Variants in TOX2 observed in about 807,000 individuals in gnomAD.
The protein encoded by TOX2 is granulosa cell HMG box 1.
TOX2 carries 15 observed loss-of-function variants against 47.4 expected under a neutral mutation model. The observed-to-expected ratio is 0.32, with a 90% CI of 0.21 to 0.49. The LOEUF is 0.49. Ranked by LOEUF, TOX2 falls within the 20% of genes least tolerant of loss-of-function variation. The pLI is 0.99. For synonymous variants in TOX2, 290 were observed against 296.6 expected (o/e 0.98, Z 0.23); for missense variants, 622 against 673.1 (o/e 0.92, Z 0.84).
intron 3 of TOX2, among the ~76,000 whole-genome samples, chr20:44,037,951 G>C (rs763106934): frequency 4.1e-4 from 63 of 152,194 alleles, no homozygotes; most frequent in Non-Finnish European, 8.2e-4. Context: ...AAGTTTGGAA[G>C]TTCCTAGAGA....
intron 1 of TOX2, among the ~76,000 whole-genome samples, chr20:43,953,233 A>ATAATT (rs10623408): frequency 0.76 from 115,122 of 151,532 alleles, 44,012 homozygotes; most frequent in Admixed American, 0.82. Flanking sequence ...CTGTAAGAGA[A>ATAATT]TATGTTGTTT....
chr20:43,965,395 T>C (rs1045648714), intron 1 of TOX2, among the ~76,000 whole-genome samples: 1 of 152,206 alleles, frequency 6.6e-6, no homozygotes, highest in African/African-American at 2.4e-5. Context: ...TCCATAGCTG[T>C]CATCTTCTCC....
At chr20:43,990,663 T>C (rs2070353708) in intron 2 of TOX2, among the ~76,000 whole-genome samples, 1 of 152,144 alleles carries the variant, frequency 6.6e-6, no homozygotes, top group Non-Finnish European at 1.5e-5. Context: ...CAGGACTTGG[T>C]CCAGGAGGCC....
At chr20:43,966,971 A>G (rs539191603) in intron 1 of TOX2, among the ~76,000 whole-genome samples, 1 of 137,102 alleles carries the variant, frequency 7.3e-6, no homozygotes, top group East Asian at 2.1e-4. Context: ...ACCAACACCA[A>G]CATGGGTTTG....
intron 2 of TOX2, among the ~76,000 whole-genome samples, chr20:43,984,666 T>C (rs2070234377): frequency 6.6e-6 from 1 of 152,218 alleles, no homozygotes; most frequent in African/African-American, 2.4e-5. Flanking sequence ...GGTCTGCATT[T>C]ATGGTGCCTC....
At chr20:44,007,925 A>G (rs936675222) in intron 3 of TOX2, among the ~76,000 whole-genome samples, 1 of 152,160 alleles carries the variant, frequency 6.6e-6, no homozygotes, top group South Asian at 2.1e-4. Context: ...TCTGTTCTGG[A>G]CATTTCATAG....
intron 1 of TOX2, chr20:43,955,197 A>C (rs1462835016): frequency 2.0e-6 from 2 of 981,654 alleles, no homozygotes; most frequent in Non-Finnish European, 2.4e-6. Context: ...CAGAATTTGC[A>C]CTTCATTACT....
chr20:43,951,805 G>A (rs933972367), intron 1 of TOX2, among the ~76,000 whole-genome samples: 1 of 143,692 alleles, frequency 7.0e-6, no homozygotes, highest in Non-Finnish European at 1.5e-5. Flanking sequence ...TCAAACTCCT[G>A]GGCTCAAGCA....
At chr20:43,929,351 C>G (rs1297803794) in intron 1 of TOX2, among the ~76,000 whole-genome samples, 1 of 152,158 alleles carries the variant, frequency 6.6e-6, no homozygotes. Context: ...TAAGTCCTCA[C>G]GTGAGCTTGC....
At chr20:43,951,786 A>ACTG (rs2069578808) in intron 1 of TOX2, among the ~76,000 whole-genome samples, 1 of 140,074 alleles carries the variant, frequency 7.1e-6, no homozygotes, top group Non-Finnish European at 1.5e-5. Context: ...ATAATAGCTC[A>ACTG]CTGTAGCATC....
In TOX2 at chr20:44,069,027, C is replaced by G; in HGVS notation, c.*341C>G. ...CCCAGCCCAGGTGGGCCGCCCCTGG[C>G]GGGGTCGCTTACCAACGGACACCCA... is the stretch of plus-strand genomic sequence containing the variant. On this transcript the variant is annotated 3_prime_UTR_variant, in exon 9 of 9. Coordinates refer to ENST00000341197, the MANE Select transcript of TOX2 (RefSeq NM_001098797.2). 2.3e-6 allele frequency: 1 copy of G among 443,704 alleles called. No homozygotes were observed. Among genetic ancestry groups the G allele is most frequent in the Non-Finnish European group, 4.3e-6 (1 of 230,082 alleles). The allele number at this position is 443,704 out of a possible 1,614,324, so 27.5% of individuals were successfully genotyped here. A position where few individuals can be genotyped will look rare whatever the true frequency, so the allele number is the denominator to read the frequency against.
intron 1 of TOX2, among the ~76,000 whole-genome samples, chr20:43,927,626 T>TCC (rs1600653248): frequency 0.038 from 224 of 5,970 alleles, 11 homozygotes; most frequent in African/African-American, 0.11. Flanking sequence ...CCTTCCTTCC[T>TCC]CCTTCCTTCC....
chr20:43,937,143 A>C (rs2069336585), intron 1 of TOX2, among the ~76,000 whole-genome samples: 1 of 152,160 alleles, frequency 6.6e-6, no homozygotes, highest in Non-Finnish European at 1.5e-5. Flanking sequence ...GAAGACTAGG[A>C]GTTGCTAGAT....
intron 1 of TOX2, among the ~76,000 whole-genome samples, chr20:43,930,332 G>A (rs559655028): frequency 1.1e-4 from 16 of 152,308 alleles, no homozygotes; most frequent in South Asian, 4.1e-4. Flanking sequence ...TATATGTGAG[G>A]GACACAGTGT....
At chr20:43,987,597 G>A (rs112595612) in intron 2 of TOX2, among the ~76,000 whole-genome samples, 2 of 152,236 alleles carry the variant, frequency 1.3e-5, no homozygotes, top group African/African-American at 4.8e-5. Context: ...AGACAGGGCA[G>A]GCAGGGAAGG....
Position 43,980,722 on chromosome 20 carries a change from G to A in TOX2, c.165+7290G>A, listed in dbSNP as rs1342138487. Among the ~76,000 whole-genome samples the A allele has an allele frequency of 2.0e-5, 3 of 152,258 alleles. No homozygotes were observed. In the East Asian group the frequency reaches 5.8e-4, roughly 29 times the overall value. ...ACTCAAGGGAACCATAAAGGCACCAGCAAAACAAACCTTAAGGTATACTTT... is the reference window on the plus strand; with the variant it reads ...ACTCAAGGGAACCATAAAGGCACCAACAAAACAAACCTTAAGGTATACTTT... On this transcript the variant is annotated intron_variant, in intron 2 of 8. Transcript: ENST00000341197.
chr20:44,030,775 A>G (rs2071137965), intron 3 of TOX2, among the ~76,000 whole-genome samples: 1 of 152,218 alleles, frequency 6.6e-6, no homozygotes, highest in South Asian at 2.1e-4. Flanking sequence ...CTATAAAGTG[A>G]CACATGCCTT....
intron 2 of TOX2, among the ~76,000 whole-genome samples, chr20:43,985,350 C>A (rs1005989741): frequency 6.6e-6 from 1 of 152,178 alleles, no homozygotes; most frequent in Admixed American, 6.5e-5. Flanking sequence ...CTGAGAGGGC[C>A]CCGCAATGAG....
chr20:44,008,563 A>G (rs2070726237), intron 3 of TOX2, among the ~76,000 whole-genome samples: 2 of 150,698 alleles, frequency 1.3e-5, no homozygotes, highest in East Asian at 3.9e-4. Context: ...CTGTCTCAAA[A>G]AAAAAAAAAT....
Sources: gnomAD v4.1 joint callset for allele counts (sites outside exome capture counted in the v4.1 genomes callset) on GRCh38, gnomAD v4.1.1 for gene constraint, MANE v1.5 for transcripts, NCBI Gene and HGNC (gene_info 2026-07-23, HGNC 2026-07-21) for gene names.